Variants in CLVS1 observed in about 807,000 individuals in gnomAD.
The protein encoded by CLVS1 is clavesin-1.
A neutral mutation model predicts 33.1 loss-of-function variants in CLVS1; 10 were observed. The observed-to-expected ratio is 0.30, with a 90% confidence interval of 0.19 to 0.51. The LOEUF (loss-of-function observed/expected upper bound fraction) is 0.51. CLVS1 is among the 20% of genes least tolerant of loss of function. The pLI, the probability that CLVS1 is intolerant of heterozygous loss-of-function variation, is 0.97. For missense variants in CLVS1, 343 were observed against 433.4 expected (o/e 0.79, Z 1.85); for synonymous variants, 163 against 166.1 (o/e 0.98, Z 0.14).
At chr8:61,341,654 T>C (rs547208373) in intron 2 of CLVS1, among the ~76,000 whole-genome samples, 2 of 152,288 alleles carry the variant, frequency 1.3e-5, no homozygotes, top group South Asian at 4.2e-4. Flanking sequence ...GTCACTAAGA[T>C]GGACATTTCC....
At chr8:61,359,111 G>A (rs1464861188) in intron 2 of CLVS1, among the ~76,000 whole-genome samples, 1 of 152,070 alleles carries the variant, frequency 6.6e-6, no homozygotes, top group East Asian at 1.9e-4. Flanking sequence ...GTTTTTGTTT[G>A]CTGATTACGG....
At chr8:61,229,142 T>A (rs1808385251) in intron 2 of CLVS1, among the ~76,000 whole-genome samples, 1 of 152,218 alleles carries the variant, frequency 6.6e-6, no homozygotes, top group Admixed American at 6.5e-5. Flanking sequence ...GAAATGTCTA[T>A]TTAGGTCAAG....
chr8:61,402,535 C>T (rs1260982632), intron 3 of CLVS1, among the ~76,000 whole-genome samples: 3 of 152,062 alleles, frequency 2.0e-5, no homozygotes, highest in Admixed American at 6.6e-5. Flanking sequence ...AACCGGTTAA[C>T]GTACACACAC....
At chr8:60,980,915 C>A in the CLVS1 span, among the ~76,000 whole-genome samples, 1 of 152,104 alleles carries the variant, frequency 6.6e-6, no homozygotes, top group Admixed American at 6.5e-5. Flanking sequence ...AAGAGAGAGG[C>A]AGAGGGAGAG....
intron 2 of CLVS1, among the ~76,000 whole-genome samples, chr8:61,280,546 T>A (rs1809649111): frequency 6.6e-6 from 1 of 152,250 alleles, no homozygotes; most frequent in Admixed American, 6.5e-5. Context: ...AAACTCTTTA[T>A]GAATTTACAT....
the CLVS1 span, among the ~76,000 whole-genome samples, chr8:61,013,397 C>T: frequency 6.6e-6 from 1 of 152,202 alleles, no homozygotes; most frequent in Non-Finnish European, 1.5e-5. Flanking sequence ...AATGCTGGCC[C>T]AGTCTCCTTC....
chr8:61,481,819 T>G (rs1818205811), intron 5 of CLVS1, among the ~76,000 whole-genome samples: 1 of 152,228 alleles, frequency 6.6e-6, no homozygotes. Flanking sequence ...CAGACTTAAA[T>G]GTCCCTGTCT....
At chr8:61,272,133 G>C (rs911048831) in intron 2 of CLVS1, among the ~76,000 whole-genome samples, 32 of 151,528 alleles carry the variant, frequency 2.1e-4, no homozygotes, top group African/African-American at 7.5e-4. Flanking sequence ...GGCTGGTACT[G>C]GTTGTTCCTT....
intron 1 of CLVS1, among the ~76,000 whole-genome samples, chr8:61,115,682 T>C (rs1805707878): frequency 6.6e-6 from 1 of 151,560 alleles, no homozygotes; most frequent in African/African-American, 2.4e-5. Flanking sequence ...ATTTCATCCA[T>C]GTCCCTACAA....
the CLVS1 span, among the ~76,000 whole-genome samples, chr8:60,975,727 G>C: frequency 3.8e-4 from 58 of 152,266 alleles, no homozygotes; most frequent in South Asian, 0.011. Flanking sequence ...AGAAAACTAA[G>C]ACATCCTTCC....
chr8:61,486,062 G>A (rs570633903), intron 5 of CLVS1, among the ~76,000 whole-genome samples: 1 of 151,706 alleles, frequency 6.6e-6, no homozygotes, highest in African/African-American at 2.4e-5. Context: ...TAACCTGCAC[G>A]TTGTGCACAT....
intron 2 of CLVS1, among the ~76,000 whole-genome samples, chr8:61,281,456 CAG>C (rs1229743849): frequency 6.6e-6 from 1 of 152,124 alleles, no homozygotes; most frequent in African/African-American, 2.4e-5. Flanking sequence ...TGTGCATAAA[CAG>C]AGAAGACCAT....
At chr8:61,198,002 C>G (rs1228596597) in intron 2 of CLVS1, among the ~76,000 whole-genome samples, 2 of 152,182 alleles carry the variant, frequency 1.3e-5, no homozygotes, top group African/African-American at 2.4e-5. Context: ...TCCTCAATGC[C>G]TCTTTCCATG....
chr8:60,983,994 A>G, the CLVS1 span, among the ~76,000 whole-genome samples: 1 of 152,094 alleles, frequency 6.6e-6, no homozygotes, highest in African/African-American at 2.4e-5. Flanking sequence ...GGAAAGGAGA[A>G]CTTCTGGCTT....
intron 5 of CLVS1, among the ~76,000 whole-genome samples, chr8:61,486,976 C>T (rs771037955): frequency 8.5e-5 from 13 of 152,174 alleles, no homozygotes. Context: ...TATTCCAATT[C>T]ACTTGGAGTG....
At chr8:61,385,871 C>T (rs980140468) in intron 3 of CLVS1, among the ~76,000 whole-genome samples, 1 of 152,158 alleles carries the variant, frequency 6.6e-6, no homozygotes, top group Non-Finnish European at 1.5e-5. Context: ...TACACCTGAA[C>T]CATAGAGACT....
chr8:61,283,570 A>T (rs1809718192), upstream of CLVS1, among the ~76,000 whole-genome samples: 1 of 152,202 alleles, frequency 6.6e-6, no homozygotes, highest in African/African-American at 2.4e-5. Flanking sequence ...AGTGAGTGAG[A>T]GTTCTCATGT....
intron 1 of CLVS1, among the ~76,000 whole-genome samples, chr8:61,109,016 G>T (rs1805584893): frequency 6.6e-6 from 1 of 152,170 alleles, no homozygotes; most frequent in African/African-American, 2.4e-5. Flanking sequence ...TCCCCGTTGG[G>T]ATTCACATAT....
In CLVS1 at chr8:61,479,764, G is replaced by T. The variant is rs531515652; in HGVS notation, c.978-19691G>T. ...GGTGATGTACAGATAGGTTTTTGGT[G>T]TGGATGTCCTTTCTGTTTGTTAGTT... On this transcript the variant is annotated intron_variant, in intron 5 of 5. Coordinates refer to ENST00000325897, the MANE Select transcript of CLVS1 (RefSeq NM_173519.3). Among the ~76,000 whole-genome samples the T allele has an allele frequency of 5.3e-5, 8 of 152,274 alleles. No homozygotes were observed. In the South Asian group the frequency reaches 1.5e-3, roughly 28 times the overall value.
Sources: allele counts gnomAD v4.1 joint callset (sites outside exome capture counted in the v4.1 genomes callset), GRCh38; gene constraint gnomAD v4.1.1; transcripts MANE v1.5; gene names NCBI Gene and HGNC (gene_info 2026-07-23, HGNC 2026-07-21).